Variants in KIF22 observed in about 807,000 individuals in gnomAD.
KIF22 encodes kinesin-like protein KIF22.
In KIF22, 62 loss-of-function variants were observed where a neutral mutation model predicts 73.0. The ratio of observed to expected loss-of-function variants is 0.85; its 90% CI spans 0.69 to 1.05. The LOEUF (loss-of-function observed/expected upper bound fraction) is 1.05, where lower values mean the gene tolerates loss of function less well. Ranked by LOEUF, KIF22 falls within the 50% of genes least tolerant of loss-of-function variation. The pLI, the probability that KIF22 is intolerant of heterozygous loss-of-function variation, is 0.00. For missense variants in KIF22, 854 were observed against 870.1 expected (o/e 0.98, Z 0.23); for synonymous variants, 411 against 340.1 (o/e 1.21, Z -2.29).
intron 1 of KIF22, among the ~76,000 whole-genome samples, chr16:29,792,756 G>T (rs546267235): frequency 6.6e-6 from 1 of 152,274 alleles, no homozygotes; most frequent in Admixed American, 6.5e-5. Flanking sequence ...TAGGGAGAGA[G>T]ATTAACGTGG....
rs1567359252 is a variant in KIF22 at position 29,799,512 on chromosome 16, C to G, written c.990+18C>G. 2 of 1,613,536 alleles carry G rather than the reference C, an allele frequency of 1.2e-6. No homozygotes were observed. Among genetic ancestry groups the G allele is most frequent in the South Asian group, 2.2e-5 (2 of 91,076 alleles). ...TATTGCAGGTCAGGCCCACCTGTCT[C>G]AGGGAAGAAGGGGCTGCAGAAGGAG... On this transcript the variant is annotated intron_variant, in intron 6 of 13. Transcript: ENST00000160827.
At chr16:29,795,869 A>G (rs1898936631) in intron 1 of KIF22, among the ~76,000 whole-genome samples, 1 of 152,180 alleles carries the variant, frequency 6.6e-6, no homozygotes, top group African/African-American at 2.4e-5. Flanking sequence ...TTTTTGCAGA[A>G]CCCACATAAT....
intron 8 of KIF22, among the ~76,000 whole-genome samples, chr16:29,801,500 TC>T (rs1363181460): frequency 1.3e-5 from 2 of 152,142 alleles, no homozygotes; most frequent in East Asian, 3.9e-4. Context: ...GTCTTGTCTT[TC>T]CCAAACCATC....
chr16:29,802,119 T>C (rs567978245), intron 8 of KIF22, among the ~76,000 whole-genome samples: 8 of 151,728 alleles, frequency 5.3e-5, no homozygotes, highest in Admixed American at 3.3e-4. Context: ...ATAAAAAAAT[T>C]AGCTGGGCAT....
chr16:29,801,821 CCT>C (rs911516220), intron 8 of KIF22, among the ~76,000 whole-genome samples: 3 of 152,096 alleles, frequency 2.0e-5, no homozygotes, highest in African/African-American at 7.2e-5. Flanking sequence ...CAGGAGTGTC[CCT>C]GTCCTCCAGG....
intron 11 of KIF22, 80 bp from the exon 12 acceptor site, chr16:29,804,734 G>T: frequency 8.7e-7 from 1 of 1,143,506 alleles, no homozygotes; most frequent in Non-Finnish European, 1.3e-6. Flanking sequence ...GAGGTAGCTG[G>T]TGCTGGGCTC....
At position 29,799,349 on chromosome 16, in the gene KIF22, G is replaced by A. The variant is rs891464618; in HGVS notation, c.845G>A (p.Arg282Gln). Residue 282 changes from arginine to glutamine, a missense_variant, in exon 6 of 14, where the codon CGG becomes CAG. This residue lies in a region of KIF22 where 245 missense variants were observed against 351.8 expected (regional missense o/e 0.70). Transcript: ENST00000160827. ...LIDLAGSEDN[R>Q]RTGNKGLRLK... ...GACTTGGCTGGGTCAGAGGACAACC[G>A]GCGCACAGGCAACAAGGGCCTTCGG... 1.1e-5 allele frequency: 18 copies of A among 1,614,218 alleles called. No homozygotes were observed. The highest frequency in any genetic ancestry group is 2.2e-5 in the East Asian group (1 of 44,884).
Position 29,803,431 on chromosome 16 carries a change from C to CAT in KIF22, c.1450-18_1450-17insAT. On this transcript the variant is annotated splice_polypyrimidine_tract_variant and intron_variant, in intron 9 of 13. Transcript: ENST00000160827. ...TGGAGTTGGGTCTGGATCACATCTC[C>CAT]CTGATCCTTTCCAACAGAGGCTTAA... 1 of 1,613,724 alleles carries CAT rather than the reference C, an allele frequency of 6.2e-7. No individual in the cohort carries two copies. Among genetic ancestry groups the CAT allele is most frequent in the Non-Finnish European group, 8.5e-7 (1 of 1,179,852 alleles).
chr16:29,802,736 G>A (rs755608574), intron 8 of KIF22, 33 bp from the exon 9 acceptor site: 2 of 1,524,780 alleles, frequency 1.3e-6, no homozygotes, highest in Non-Finnish European at 8.8e-7. Flanking sequence ...TGAGGGAGGA[G>A]GTAGGTGGGG....
Position 29,799,282 on chromosome 16 carries a change from T to G in KIF22, c.778T>G (p.Leu260Val), listed in dbSNP as rs779756888. 6 of 1,613,778 alleles carry G rather than the reference T, an allele frequency of 3.7e-6. No homozygotes were observed. In the African/African-American group the frequency reaches 8.0e-5, roughly 22 times the overall value. The change falls in exon 6 of 14, where the codon TTG becomes GTG. Residue 260 changes from leucine (L) to valine (V), a missense_variant. Around this residue, in one of 3 missense-constraint regions of KIF22, gnomAD observed 245 missense variants for 351.8 expected, o/e 0.70. Transcript: ENST00000160827. ...LLVKVDQRER[L>V]APFRQREGKL... ...CCCCCAGGTGGACCAGCGGGAACGT[T>G]TGGCCCCATTTCGCCAGCGAGAGGG... is the stretch of plus-strand genomic sequence containing the variant.
In KIF22 at chr16:29,799,905, T is replaced by C. The variant is rs1567359664; in HGVS notation, c.1145-8T>C. On this transcript the variant is annotated splice_polypyrimidine_tract_variant and splice_region_variant and intron_variant, in intron 7 of 13. Coordinates refer to ENST00000160827, the MANE Select transcript of KIF22 (RefSeq NM_007317.3). ...TCCCTCTCTCCACCCCATCCTCCAA[T>C]CATCTAGCCTTGGGACCTGTTAAGC... The C allele has an allele frequency of 6.2e-7, 1 of 1,613,782 alleles. No individual in the cohort carries two copies. Among genetic ancestry groups the C allele is most frequent in the East Asian group, 2.2e-5 (1 of 44,880 alleles).
In KIF22 at chr16:29,804,041, G is replaced by T. The variant is rs1158289057; in HGVS notation, c.1653G>T (p.Leu551=). ...AASPNAEIHI[L]KNKGRKRKLE... Reference sequence around the variant, plus strand: ...CCCCAAATGCCGAGATCCACATCCTGAAGAATAAAGGCCGGAAGAGAAAGG... The same window carrying T: ...CCCCAAATGCCGAGATCCACATCCTTAAGAATAAAGGCCGGAAGAGAAAGG... Residue 551 remains leucine, a synonymous_variant, in exon 11 of 14, where the codon CTG becomes CTT. Coordinates refer to ENST00000160827, the MANE Select transcript of KIF22 (RefSeq NM_007317.3). 6.2e-7 allele frequency: 1 copy of T among 1,613,880 alleles called. No homozygotes were observed. The highest frequency in any genetic ancestry group is 1.1e-5 in the South Asian group (1 of 91,082).
At chr16:29,805,086 CCT>C (rs1567363848) in intron 12 of KIF22, 27 bp from the exon 13 acceptor site, 1 of 1,613,184 alleles carries the variant, frequency 6.2e-7, no homozygotes, top group Non-Finnish European at 8.5e-7. Context: ...CCCCCGAGAC[CCT>C]GTCCCCTATC....
Position 29,798,245 on chromosome 16 carries a change from C to T in KIF22, c.267-129C>T, listed in dbSNP as rs1438031669. 2 of 1,474,478 alleles carry T rather than the reference C, an allele frequency of 1.4e-6. No homozygotes were observed. The highest frequency in any genetic ancestry group is 1.8e-6 in the Non-Finnish European group (2 of 1,114,962). The allele number at this position is 1,474,478 out of a possible 1,614,324, so 91.3% of individuals were successfully genotyped here. A position where few individuals can be genotyped will look rare whatever the true frequency, so the allele number is the denominator to read the frequency against. ...CTTTGTACAAGAAAGGGGATAGAGA[C>T]GTTCTCTTAAATCCAAGGTCCAGAT... On this transcript the variant is annotated intron_variant, in intron 2 of 13. Coordinates refer to ENST00000160827, the MANE Select transcript of KIF22 (RefSeq NM_007317.3). This position sits in a 1 kb window ranked among gnomAD's most constrained non-coding sequence, Gnocchi z 4.1.
chr16:29,795,866 A>G (rs1163716297), intron 1 of KIF22, among the ~76,000 whole-genome samples: 1 of 152,210 alleles, frequency 6.6e-6, no homozygotes, highest in Non-Finnish European at 1.5e-5. Flanking sequence ...TGGTTTTTGC[A>G]GAACCCACAT....
chr16:29,804,106 A>AC lies in KIF22; in HGVS notation c.1677+41_1677+42insC, dbSNP rs1899246541. 2.6e-6 allele frequency: 4 copies of AC among 1,518,734 alleles called. No homozygotes were observed. The East Asian group carries it at 9.0e-5, about 34-fold the overall frequency. The allele number at this position is 1,518,734 out of a possible 1,614,324, so 94.1% of individuals were successfully genotyped here. Reference sequence around the variant, plus strand: ...GGCTTAGGCTACACCTGGAGCCCAGAAGTAAGGGGGAGTAGGCTCTAGGGG... The same window carrying AC: ...GGCTTAGGCTACACCTGGAGCCCAGACAGTAAGGGGGAGTAGGCTCTAGGGG... On this transcript the variant is annotated intron_variant, in intron 11 of 13. Transcript: ENST00000160827.
At position 29,804,080 on chromosome 16, in the gene KIF22, G is replaced by T; in HGVS notation, c.1677+15G>T. The T allele has an allele frequency of 6.2e-7, 1 of 1,607,420 alleles. No individual in the cohort carries two copies. The highest frequency in any genetic ancestry group is 8.5e-7 in the Non-Finnish European group (1 of 1,173,950). ...GGAAGAGAAAGGTGAAAGTAGCTGG[G>T]GGCTTAGGCTACACCTGGAGCCCAG... On this transcript the variant is annotated intron_variant, in intron 11 of 13. Transcript: ENST00000160827.
intron 8 of KIF22, among the ~76,000 whole-genome samples, chr16:29,802,308 C>A (rs1596853500): frequency 6.7e-6 from 1 of 149,696 alleles, no homozygotes; most frequent in East Asian, 2.0e-4. Flanking sequence ...TTAAGCCTTA[C>A]CGTGCTCAGA....
At chr16:29,803,669 G>A in intron 10 of KIF22, 61 bp downstream of exon 10, 1 of 1,337,290 alleles carries the variant, frequency 7.5e-7, no homozygotes, top group Non-Finnish European at 1.0e-6. Context: ...GGGAGGAAGT[G>A]TTAGGAGCAG....
Sources: allele counts gnomAD v4.1 joint callset (sites outside exome capture counted in the v4.1 genomes callset), GRCh38; gene constraint gnomAD v4.1.1; regional missense constraint gnomAD v4.1.1; non-coding constraint Gnocchi (gnomAD v3.1); transcripts MANE v1.5; gene names NCBI Gene and HGNC (gene_info 2026-07-23, HGNC 2026-07-21).